ZC3H7A: variants seen among roughly 807,000 people sequenced by gnomAD.
ZC3H7A encodes zinc finger CCCH-type containing 7A, also known as zinc finger CCCH domain-containing protein 7A.
A neutral mutation model predicts 125.5 loss-of-function variants in ZC3H7A; 44 were observed. The ratio of observed to expected loss-of-function variants is 0.35; its 90% CI spans 0.28 to 0.45. ZC3H7A has a LOEUF of 0.45. Among genes scored for constraint, ZC3H7A ranks in the 20% least tolerant of loss-of-function variants. ZC3H7A has a pLI of 1.00. For missense variants in ZC3H7A, 977 were observed against 1,170.7 expected, an observed-to-expected ratio of 0.83 and a Z score of 2.41; for synonymous variants, 399 against 391.2, an observed-to-expected ratio of 1.02 and a Z score of -0.23.
chr16:11,752,187 T>C (rs1158591532), intron 22 of ZC3H7A, among the ~76,000 whole-genome samples: 1 of 152,156 alleles, frequency 6.6e-6, no homozygotes, highest in Non-Finnish European at 1.5e-5. Flanking sequence ...ATTACAGGCG[T>C]AGCCACCATG....
chr16:11,769,147 A>C, intron 10 of ZC3H7A, 52 bp from the exon 11 acceptor site: 1 of 1,511,160 alleles, frequency 6.6e-7, no homozygotes, highest in Non-Finnish European at 9.0e-7. Context: ...TCACGTAATA[A>C]GAACATCAGG....
At chr16:11,779,814 G>C (rs971961468) in intron 3 of ZC3H7A, among the ~76,000 whole-genome samples, 1 of 151,914 alleles carries the variant, frequency 6.6e-6, no homozygotes, top group Non-Finnish European at 1.5e-5. Flanking sequence ...GTGGGTACCC[G>C]TGCACATATA....
intron 22 of ZC3H7A, among the ~76,000 whole-genome samples, chr16:11,751,808 T>C (rs1028985746): frequency 6.6e-6 from 1 of 152,220 alleles, no homozygotes; most frequent in Admixed American, 6.5e-5. Flanking sequence ...TTCAATAGTT[T>C]TAAGGATCAC....
rs1435001333 is a variant in ZC3H7A at position 11,784,067 on chromosome 16, T to G, written c.-34-1679A>C. ...AAGTGCAGGGGATTCTTCAGTACTA[T>G]TCTCTGGACTTTGTATGTGTTTGAA... On this transcript the variant is annotated intron_variant, in intron 1 of 22. Coordinates refer to ENST00000355758, the MANE Select transcript of ZC3H7A (RefSeq NM_014153.4). Among the ~76,000 whole-genome samples, 3 of 152,212 alleles carry G rather than the reference T, an allele frequency of 2.0e-5. No individual in the cohort carries two copies. In the East Asian group the frequency reaches 5.8e-4, roughly 29 times the overall value.
chr16:11,786,824 A>C (rs1203339475), intron 1 of ZC3H7A, among the ~76,000 whole-genome samples: 1 of 152,246 alleles, frequency 6.6e-6, no homozygotes, highest in Non-Finnish European at 1.5e-5. Context: ...ATATTTTGTG[A>C]GATCACATCT....
intron 1 of ZC3H7A, among the ~76,000 whole-genome samples, chr16:11,789,301 T>A (rs548640437): frequency 9.8e-5 from 15 of 152,288 alleles, no homozygotes; most frequent in African/African-American, 3.4e-4. Context: ...TCTCGCTCTG[T>A]CACCCAGGCT....
At chr16:11,776,401 C>T in intron 6 of ZC3H7A, 43 bp from the exon 7 acceptor site, 8 of 1,602,122 alleles carry the variant, frequency 5.0e-6, no homozygotes, top group Non-Finnish European at 6.8e-6. Context: ...AGAACTGACT[C>T]CAAGTTCTAA....
At chr16:11,779,057 G>A in intron 4 of ZC3H7A, 109 bp downstream of exon 4, 2 of 961,842 alleles carry the variant, frequency 2.1e-6, no homozygotes, top group East Asian at 2.7e-5. Context: ...CCAAAAGCAG[G>A]TAATATGACT....
At chr16:11,753,729 A>C (rs1411894677) in intron 21 of ZC3H7A, 1 of 152,040 alleles carries the variant, frequency 6.6e-6, no homozygotes, top group Non-Finnish European at 1.5e-5. Context: ...GCTCACTGCA[A>C]CCTCCATCTC....
intron 1 of ZC3H7A, among the ~76,000 whole-genome samples, chr16:11,794,090 A>G (rs1337153508): frequency 6.6e-6 from 1 of 152,206 alleles, no homozygotes; most frequent in Non-Finnish European, 1.5e-5. Context: ...TGACCTCTGT[A>G]TGGAAGAACT....
At chr16:11,778,591 T>C (rs1177976213) in intron 4 of ZC3H7A, among the ~76,000 whole-genome samples, 2 of 152,168 alleles carry the variant, frequency 1.3e-5, no homozygotes, top group African/African-American at 2.4e-5. Flanking sequence ...CTGGATGACT[T>C]TTTTATAAGC....
At chr16:11,777,822 C>G (rs1044206759) in intron 4 of ZC3H7A, among the ~76,000 whole-genome samples, 1 of 149,258 alleles carries the variant, frequency 6.7e-6, no homozygotes, top group African/African-American at 2.5e-5. Context: ...GAGTTCGAGA[C>G]CAGCCTGACC....
intron 19 of ZC3H7A, among the ~76,000 whole-genome samples, chr16:11,760,576 C>T (rs546835726): frequency 7.2e-5 from 11 of 152,330 alleles, no homozygotes; most frequent in Admixed American, 4.6e-4. Context: ...AGAGAGGCCT[C>T]ATTTACACGG....
intron 1 of ZC3H7A, among the ~76,000 whole-genome samples, chr16:11,792,078 T>C (rs1048293313): frequency 1.1e-4 from 16 of 152,260 alleles, no homozygotes; most frequent in African/African-American, 3.9e-4. Flanking sequence ...TGAATAATTT[T>C]TGTATTTTTT....
Position 11,779,294 on chromosome 16 carries a change from T to C in ZC3H7A, c.178A>G (p.Asn60Asp). 1 of 1,614,130 alleles carries C rather than the reference T, an allele frequency of 6.2e-7. No individual in the cohort carries two copies. Among genetic ancestry groups the C allele is most frequent in the Non-Finnish European group, 8.5e-7 (1 of 1,180,012 alleles). The change falls in exon 4 of 23, where the codon AAC becomes GAC. Residue 60 changes from asparagine (N) to aspartate (D), a missense_variant. Asn to Asp is a conservative substitution (Grantham distance 23, BLOSUM62 1). Transcript: ENST00000355758. ...TCCGTGTACTGGCTTATCGAGTTGT[T>C]CCAATCATGTTCCCGATAAACGTCA... ...GNDVYREHDW[N>D]NSISQYTEAL...
In ZC3H7A at chr16:11,765,654, T is replaced by G; in HGVS notation, c.1554A>C (p.Ser518=). ...DVAAEEECRY[S]GHCTFAYCQE... The stretch of plus-strand genomic sequence containing the variant: ...GGCAATAAGCAAACGTGCAGTGGCC[T>G]GAATATCTACATTCCTCCTCAGCAG... Residue 518 remains serine (S), a synonymous_variant, in exon 14 of 23, where the codon TCA becomes TCC. Transcript: ENST00000355758. This position sits in a 1 kb window ranked among gnomAD's most constrained non-coding sequence, Gnocchi z 4.8. The G allele has an allele frequency of 6.2e-7, 1 of 1,613,660 alleles. No individual in the cohort carries two copies. The highest frequency in any genetic ancestry group is 1.3e-5 in the African/African-American group (1 of 75,032).
intron 4 of ZC3H7A, among the ~76,000 whole-genome samples, chr16:11,777,307 T>C (rs543013619): frequency 3.3e-5 from 5 of 152,294 alleles, no homozygotes; most frequent in African/African-American, 1.2e-4. Context: ...TGATAAGGAA[T>C]ATATTACCCA....
intron 13 of ZC3H7A, among the ~76,000 whole-genome samples, chr16:11,766,061 G>A (rs1179351615): frequency 1.3e-5 from 2 of 150,792 alleles, no homozygotes; most frequent in Non-Finnish European, 2.9e-5. Context: ...CAGACTGTGA[G>A]AAGAGCCTTG....
chr16:11,772,161 C>A (rs185697332), intron 9 of ZC3H7A, among the ~76,000 whole-genome samples: 2 of 149,932 alleles, frequency 1.3e-5, no homozygotes, highest in Admixed American at 1.3e-4. Context: ...CACCACTGCA[C>A]ACCAGCCTGG....
Sources: gnomAD v4.1 joint callset for allele counts (sites outside exome capture counted in the v4.1 genomes callset) on GRCh38, gnomAD v4.1.1 for gene constraint, Gnocchi (gnomAD v3.1) non-coding constraint, MANE v1.5 for transcripts, NCBI Gene and HGNC (gene_info 2026-07-23, HGNC 2026-07-21) for gene names.